The following NFIC variants were observed in gnomAD, a reference collection of about 807,000 sequenced individuals.
NFIC encodes nuclear factor 1 C-type.
In NFIC, 12 loss-of-function variants were observed where a neutral mutation model predicts 54.4. The ratio of observed to expected loss-of-function variants is 0.22; its 90% confidence interval spans 0.14 to 0.36. The LOEUF is 0.36. Among genes scored for constraint, NFIC ranks in the 10% least tolerant of loss-of-function variants. The pLI is 1.00. For synonymous variants in NFIC, 322 were observed against 319.2 expected, an observed-to-expected ratio of 1.01 and a Z score of -0.09; for missense variants, 575 against 718.2, an observed-to-expected ratio of 0.80 and a Z score of 2.28.
intron 10 of NFIC, among the ~76,000 whole-genome samples, chr19:3,462,531 A>G (rs1005765441): frequency 2.0e-5 from 3 of 152,172 alleles, no homozygotes; most frequent in Non-Finnish European, 2.9e-5. Flanking sequence ...TTCACTGGGC[A>G]TCCTGTACTG....
intron 1 of NFIC, among the ~76,000 whole-genome samples, chr19:3,376,228 G>A (rs973818496): frequency 6.6e-6 from 1 of 151,610 alleles, no homozygotes; most frequent in African/African-American, 2.4e-5. Context: ...CCAGGAATTC[G>A]AGACCAGCCT....
intron 7 of NFIC, among the ~76,000 whole-genome samples, 176 bp downstream of exon 7, chr19:3,449,315 G>A (rs964882720): frequency 1.3e-5 from 2 of 152,278 alleles, no homozygotes; most frequent in East Asian, 1.9e-4. Context: ...GTTCCAGCCC[G>A]GCTGAGAGGT....
intron 5 of NFIC, among the ~76,000 whole-genome samples, chr19:3,434,690 A>G (rs1683835116): frequency 6.6e-6 from 1 of 152,118 alleles, no homozygotes; most frequent in African/African-American, 2.4e-5. Context: ...TTGCTGAGAT[A>G]TGCTTTGTGA....
rs545334345 is a variant in NFIC at position 3,435,911 on chromosome 19, C to T, written c.958+704C>T. ...GCGCGATCTCCGCTCACTGCAGCCT[C>T]CACCTCCCTGGTTCAAGCAATTGTC... On this transcript the variant is annotated intron_variant, in intron 6 of 10. Coordinates refer to ENST00000443272, the MANE Select transcript of NFIC (RefSeq NM_001245002.2). Among the ~76,000 whole-genome samples the T allele has an allele frequency of 2.6e-4, 39 of 152,148 alleles. No homozygotes were observed. The South Asian group carries it at 7.7e-3, about 30-fold the overall frequency.
In NFIC at chr19:3,463,405, G is replaced by A; in HGVS notation, c.*636G>A. On this transcript the variant is annotated 3_prime_UTR_variant, in exon 11 of 11. Transcript: ENST00000443272. ...CAGAGGCGGGCAGGGTGGGGCAGGC[G>A]AGTGGTGTCGCGGGGGTGCGTGGCG... 1 of 985,616 alleles carries A rather than the reference G, an allele frequency of 1.0e-6. No individual in the cohort carries two copies. The highest frequency in any genetic ancestry group is 1.2e-6 in the Non-Finnish European group (1 of 830,114). The allele number at this position is 985,616 out of a possible 1,614,324, so 61.1% of individuals were successfully genotyped here.
At chr19:3,403,250 C>G (rs998944880) in intron 2 of NFIC, among the ~76,000 whole-genome samples, 2 of 152,138 alleles carry the variant, frequency 1.3e-5, no homozygotes, top group African/African-American at 4.8e-5. Flanking sequence ...CTTCTACCCC[C>G]TTTCAGGTTT....
chr19:3,437,196 T>G (rs1568182890), intron 6 of NFIC, among the ~76,000 whole-genome samples: 1 of 151,662 alleles, frequency 6.6e-6, no homozygotes, highest in Non-Finnish European at 1.5e-5. Flanking sequence ...TGAAACCCCG[T>G]CTCTACTAAA....
At chr19:3,416,910 G>T (rs1273583911) in intron 2 of NFIC, among the ~76,000 whole-genome samples, 1 of 140,242 alleles carries the variant, frequency 7.1e-6, no homozygotes, top group Non-Finnish European at 1.5e-5. Context: ...TTGAGATGGA[G>T]TCTCGCTCCG....
chr19:3,396,535 T>C (rs2081467166), intron 2 of NFIC, among the ~76,000 whole-genome samples: 1 of 149,184 alleles, frequency 6.7e-6, no homozygotes, highest in African/African-American at 2.5e-5. Context: ...GGGCACACCC[T>C]CACTGGGTCT....
chr19:3,455,004 C>T (rs1460229362), intron 9 of NFIC, among the ~76,000 whole-genome samples: 2 of 152,234 alleles, frequency 1.3e-5, no homozygotes, highest in Non-Finnish European at 2.9e-5. Flanking sequence ...GTCTTCCCCT[C>T]TCTGAGCCTC....
intron 2 of NFIC, among the ~76,000 whole-genome samples, chr19:3,424,735 T>C (rs1291862205): frequency 6.6e-6 from 1 of 152,162 alleles, no homozygotes; most frequent in African/African-American, 2.4e-5. Context: ...TTGCTCAGGG[T>C]CGCACAGCAA....
Position 3,463,614 on chromosome 19 carries a change from G to GGCCCCCCCCCCCCCC in NFIC, c.*845_*846insGCCCCCCCCCCCCCC. ...GGGAGGAGAAGTCTCTATGCAATTGGCCCCGGCCCCTCCACCCCCCACCCC... is the reference window on the plus strand; with the variant it reads ...GGGAGGAGAAGTCTCTATGCAATTGGGCCCCCCCCCCCCCCCCCCGGCCCCTCCACCCCCCACCCC... On this transcript the variant is annotated 3_prime_UTR_variant, in exon 11 of 11. Coordinates refer to ENST00000443272, the MANE Select transcript of NFIC (RefSeq NM_001245002.2). 1 of 959,112 alleles carries GGCCCCCCCCCCCCCC rather than the reference G, an allele frequency of 1.0e-6. No homozygotes were observed. The highest frequency in any genetic ancestry group is 1.2e-6 in the Non-Finnish European group (1 of 807,848). 59.4% of individuals were successfully genotyped at this position (959,112 alleles called of 1,614,324 possible).
intron 1 of NFIC, among the ~76,000 whole-genome samples, chr19:3,367,741 G>A (rs994965718): frequency 1.3e-5 from 2 of 152,224 alleles, no homozygotes; most frequent in Non-Finnish European, 2.9e-5. Context: ...GGCTAAGGCC[G>A]GTTCTGGAGA....
Position 3,462,777 on chromosome 19 carries a change from C to A in NFIC, c.*8C>A. 6.3e-7 allele frequency: 1 copy of A among 1,580,844 alleles called. No homozygotes were observed. Among genetic ancestry groups the A allele is most frequent in the Non-Finnish European group, 8.7e-7 (1 of 1,154,478 alleles). On this transcript the variant is annotated 3_prime_UTR_variant, in exon 11 of 11. Coordinates refer to ENST00000443272, the MANE Select transcript of NFIC (RefSeq NM_001245002.2). The stretch of plus-strand genomic sequence containing the variant: ...TCCTGGTATCTGGGATAGCAAAGGT[C>A]TTCTTCCCTCGCCCCTTCTCCATCG...
intron 2 of NFIC, among the ~76,000 whole-genome samples, chr19:3,409,025 C>T (rs1370458283): frequency 1.3e-5 from 2 of 152,132 alleles, no homozygotes. Flanking sequence ...AGCCACTGTG[C>T]CCGGCCCAGA....
chr19:3,463,404 C>CGAGTG lies in NFIC; in HGVS notation c.*637_*641dup. 1 of 985,568 alleles carries CGAGTG rather than the reference C, an allele frequency of 1.0e-6. No individual in the cohort carries two copies. The highest frequency in any genetic ancestry group is 1.2e-6 in the Non-Finnish European group (1 of 830,098). The allele number at this position is 985,568 out of a possible 1,614,324, so 61.1% of individuals were successfully genotyped here. A position where few individuals can be genotyped will look rare whatever the true frequency, so the allele number is the denominator to read the frequency against. On this transcript the variant is annotated 3_prime_UTR_variant, in exon 11 of 11. Coordinates refer to ENST00000443272, the MANE Select transcript of NFIC (RefSeq NM_001245002.2). ...GCAGAGGCGGGCAGGGTGGGGCAGG[C>CGAGTG]GAGTGGTGTCGCGGGGGTGCGTGGC...
intron 2 of NFIC, among the ~76,000 whole-genome samples, chr19:3,395,644 G>A (rs1050848069): frequency 2.6e-5 from 4 of 151,784 alleles, no homozygotes; most frequent in Admixed American, 6.6e-5. Flanking sequence ...GTATAGGCGT[G>A]CACCACTACG....
At chr19:3,409,434 G>A (rs933704215) in intron 2 of NFIC, among the ~76,000 whole-genome samples, 7 of 152,250 alleles carry the variant, frequency 4.6e-5, no homozygotes, top group African/African-American at 1.4e-4. Context: ...ACCTAGAACC[G>A]TGTGAAATGA....
At chr19:3,378,645 A>G (rs1465554319) in intron 1 of NFIC, among the ~76,000 whole-genome samples, 1 of 152,194 alleles carries the variant, frequency 6.6e-6, no homozygotes, top group Admixed American at 6.6e-5. Context: ...GACTGCCCTC[A>G]GACACCAATT....
Sources: allele counts gnomAD v4.1 joint callset (sites outside exome capture counted in the v4.1 genomes callset), GRCh38; gene constraint gnomAD v4.1.1; transcripts MANE v1.5; gene names NCBI Gene and HGNC (gene_info 2026-07-23, HGNC 2026-07-21).